OR10K2: variants seen among roughly 807,000 people sequenced by gnomAD.
OR10K2 encodes the protein olfactory receptor family 10 subfamily K member 2.
For missense variants in OR10K2, 401 were observed against 367.1 expected (o/e 1.09, Z -0.76); for synonymous variants, 169 against 146.4 (o/e 1.15, Z -1.11).
At chr1:158,420,950 A>G in intron 1 of OR10K2, 23 bp from the exon 2 acceptor site, 1 of 1,248,812 alleles carries the variant, frequency 8.0e-7, no homozygotes, top group South Asian at 1.5e-5. Context: ...AGATTCACAG[A>G]AAATTGATCA....
chr1:158,423,208 C>G (rs1163837312), intron 1 of OR10K2, among the ~76,000 whole-genome samples: 1 of 147,900 alleles, frequency 6.8e-6, no homozygotes, highest in Non-Finnish European at 1.5e-5. Context: ...TATCTTATTC[C>G]TCTGGTTCTT....
chr1:158,420,032 T>C lies in OR10K2; in HGVS notation c.835A>G (p.Thr279Ala). Residue 279 changes from threonine to alanine, a missense_variant, in exon 2 of 2, where the codon ACT becomes GCT. Thr to Ala is a moderately conservative substitution (Grantham distance 58). Coordinates refer to ENST00000641042, the MANE Select transcript of OR10K2 (RefSeq NM_001004476.2). ...GGGTTGAACAATGGAGTTATAATAGTGTAGGATACTGATATTAGAGCATCC... is the reference window on the plus strand; with the variant it reads ...GGGTTGAACAATGGAGTTATAATAGCGTAGGATACTGATATTAGAGCATCC... The part of the protein sequence containing the change: ...SQDALISVSY[T>A]IITPLFNPMI... 6.2e-7 allele frequency: 1 copy of C among 1,613,596 alleles called. No individual in the cohort carries two copies. The highest frequency in any genetic ancestry group is 2.2e-5 in the East Asian group (1 of 44,846).
Position 158,419,777 on chromosome 1 carries a change from A to C in OR10K2, c.*151T>G, listed in dbSNP as rs1386215728. ...AGGAGCCCACCACAGCATCCGGTTAATTTGTATATTTTTTGGTAGAGATAG... is the reference window on the plus strand; with the variant it reads ...AGGAGCCCACCACAGCATCCGGTTACTTTGTATATTTTTTGGTAGAGATAG... On this transcript the variant is annotated 3_prime_UTR_variant, in exon 2 of 2. Coordinates refer to ENST00000641042, the MANE Select transcript of OR10K2 (RefSeq NM_001004476.2). 3.2e-6 allele frequency: 2 copies of C among 622,312 alleles called. No homozygotes were observed. The highest frequency in any genetic ancestry group is 5.7e-6 in the Non-Finnish European group (2 of 353,032). 38.5% of individuals were successfully genotyped at this position (622,312 alleles called of 1,614,324 possible).
At chr1:158,423,928 T>C (rs371628380) in intron 1 of OR10K2, among the ~76,000 whole-genome samples, 1 of 152,026 alleles carries the variant, frequency 6.6e-6, no homozygotes, top group African/African-American at 2.4e-5. Flanking sequence ...TCTGTTACTA[T>C]CTAAGCACTA....
chr1:158,424,567 G>A (rs926092992), intron 1 of OR10K2, among the ~76,000 whole-genome samples: 2 of 151,988 alleles, frequency 1.3e-5, no homozygotes, highest in African/African-American at 4.8e-5. Context: ...TCTAGATTTG[G>A]TGAAAATACT....
At position 158,426,140 on chromosome 1, in the gene OR10K2, A is replaced by C. The variant is rs948696292; in HGVS notation, c.-269T>G. 1.3e-5 allele frequency: 2 copies of C among 152,136 alleles called. No individual in the cohort carries two copies. The highest frequency in any genetic ancestry group is 2.9e-5 in the Non-Finnish European group (2 of 68,038). The allele number at this position is 152,136 out of a possible 1,614,324, so 9.4% of individuals were successfully genotyped here. On this transcript the variant is annotated 5_prime_UTR_variant, in exon 1 of 2. The change creates a new upstream start codon in the 5' untranslated region. Coordinates refer to ENST00000641042, the MANE Select transcript of OR10K2 (RefSeq NM_001004476.2). ...AGACAGAATTCAAGTTGACGTGTAGAATGGAAAAAGGTCAAAATGGGTCAC... is the reference window on the plus strand; with the variant it reads ...AGACAGAATTCAAGTTGACGTGTAGCATGGAAAAAGGTCAAAATGGGTCAC...
rs1655126328 is a variant in OR10K2, at chr1:158,420,360, A to G, written c.507T>C (p.Tyr169=). 2.5e-6 allele frequency: 4 copies of G among 1,613,910 alleles called. No homozygotes were observed. Among genetic ancestry groups the G allele is most frequent in the East Asian group, 2.2e-5 (1 of 44,838 alleles). ...AGAAGTGATGTAGTTGATTGGAGGA[A>G]TAAAAAGGCAGGTGAAATACCAAGG... The part of the protein sequence containing the change: ...ITSLVFHLPF[Y]SSNQLHHFFC... The change falls in exon 2 of 2, where the codon TAT becomes TAC. Residue 169 remains tyrosine (Y), a synonymous_variant. Transcript: ENST00000641042.
Position 158,419,376 on chromosome 1 carries a change from T to C in OR10K2, c.*552A>G, listed in dbSNP as rs976003001. Reference sequence around the variant, plus strand: ...TACAGCCTAAAATTCTGAACATACATATGCTTCCCCATAATAGCCATCTGT... The same window carrying C: ...TACAGCCTAAAATTCTGAACATACACATGCTTCCCCATAATAGCCATCTGT... On this transcript the variant is annotated 3_prime_UTR_variant, in exon 2 of 2. Coordinates refer to ENST00000641042, the MANE Select transcript of OR10K2 (RefSeq NM_001004476.2). 2 of 155,188 alleles carry C rather than the reference T, an allele frequency of 1.3e-5. No homozygotes were observed. Among genetic ancestry groups the C allele is most frequent in the African/African-American group, 4.8e-5 (2 of 41,398 alleles). 9.6% of individuals were successfully genotyped at this position (155,188 alleles called of 1,614,324 possible).
At chr1:158,421,294 T>C (rs750029099) in intron 1 of OR10K2, among the ~76,000 whole-genome samples, 1 of 152,122 alleles carries the variant, frequency 6.6e-6, no homozygotes, top group Non-Finnish European at 1.5e-5. Context: ...TATACCATAG[T>C]TGTCTATAAC....
rs200034190 is a variant in OR10K2, at chr1:158,420,571, A to G, written c.296T>C (p.Ile99Thr). 213 of 1,613,938 alleles carry G rather than the reference A, an allele frequency of 1.3e-4. 1 individual carries two copies. In the Admixed American group the frequency reaches 3.5e-3, roughly 26 times the overall value. The change falls in exon 2 of 2, where the codon ATC (isoleucine) becomes ACC (threonine). Residue 99 changes from isoleucine (I) to threonine (T), a missense_variant. Ile to Thr is a moderately conservative substitution (Grantham distance 89, BLOSUM62 -1). Coordinates refer to ENST00000641042, the MANE Select transcript of OR10K2 (RefSeq NM_001004476.2). ...AAGGAAGAGGAAGGAAAACATTTGGATGGCACAGCCCAGGAAAGAAATGGT... is the reference window on the plus strand; with the variant it reads ...AAGGAAGAGGAAGGAAAACATTTGGGTGGCACAGCCCAGGAAAGAAATGGT... The part of the protein sequence containing the change: ...KKTISFLGCA[I>T]QMFSFLFLGC...
At chr1:158,421,653 T>C (rs1655158720) in intron 1 of OR10K2, among the ~76,000 whole-genome samples, 1 of 152,162 alleles carries the variant, frequency 6.6e-6, no homozygotes, top group Non-Finnish European at 1.5e-5. Flanking sequence ...AGTCACATTA[T>C]GGCTCCTTTC....
intron 1 of OR10K2, among the ~76,000 whole-genome samples, chr1:158,425,060 A>C (rs1464439078): frequency 1.3e-5 from 2 of 152,116 alleles, no homozygotes; most frequent in African/African-American, 4.8e-5. Context: ...GGCAGAGAGC[A>C]CTGCTAGTTT....
chr1:158,424,422 G>A (rs1655214184), intron 1 of OR10K2, among the ~76,000 whole-genome samples: 2 of 151,902 alleles, frequency 1.3e-5, no homozygotes, highest in African/African-American at 4.8e-5. Context: ...ATTCCATTGT[G>A]TCTATCAATA....
Position 158,420,087 on chromosome 1 carries a change from T to C in OR10K2, c.780A>G (p.Leu260=). 1 of 1,613,640 alleles carries C rather than the reference T, an allele frequency of 6.2e-7. No homozygotes were observed. Among genetic ancestry groups the C allele is most frequent in the African/African-American group, 1.3e-5 (1 of 74,972 alleles). ...VHYGCASFIY[L]RPQSNYSSSQ... ...TTGAGGAGTAGTTGGACTGAGGCCT[T>C]AAGTAGATAAAGGAGGCACAGCCAT... is the stretch of plus-strand genomic sequence containing the variant. The change falls in exon 2 of 2, where the codon TTA becomes TTG. Residue 260 remains leucine (L), a synonymous_variant. Transcript: ENST00000641042.
intron 1 of OR10K2, among the ~76,000 whole-genome samples, chr1:158,424,430 A>G (rs1655214273): frequency 6.6e-6 from 1 of 151,962 alleles, no homozygotes; most frequent in African/African-American, 2.4e-5. Flanking sequence ...GTGTCTATCA[A>G]TATTGCTTTT....
intron 1 of OR10K2, among the ~76,000 whole-genome samples, chr1:158,425,470 G>A (rs1655234662): frequency 6.6e-6 from 1 of 151,964 alleles, no homozygotes; most frequent in South Asian, 2.1e-4. Context: ...AGTTACTTAC[G>A]GTGTTCTTTT....
At chr1:158,425,468 A>G (rs1655234482) in intron 1 of OR10K2, among the ~76,000 whole-genome samples, 1 of 152,072 alleles carries the variant, frequency 6.6e-6, no homozygotes, top group Admixed American at 6.6e-5. Flanking sequence ...GCAGTTACTT[A>G]CGGTGTTCTT....
chr1:158,419,641 G>C lies in OR10K2; in HGVS notation c.*287C>G, dbSNP rs1655103229. ...TTTTTTTTTTTTTTTTTGAGACAGA[G>C]TCTTACTCTGTCGCCCAGGCTGGAG... On this transcript the variant is annotated 3_prime_UTR_variant, in exon 2 of 2. Transcript: ENST00000641042. 1 of 187,934 alleles carries C rather than the reference G, an allele frequency of 5.3e-6. No homozygotes were observed. The highest frequency in any genetic ancestry group is 2.6e-5 in the African/African-American group (1 of 38,424). The allele number at this position is 187,934 out of a possible 1,614,324, so 11.6% of individuals were successfully genotyped here. A position where few individuals can be genotyped will look rare whatever the true frequency, so the allele number is the denominator to read the frequency against.
intron 1 of OR10K2, among the ~76,000 whole-genome samples, chr1:158,423,116 G>A (rs1023727613): frequency 6.6e-6 from 1 of 151,748 alleles, no homozygotes; most frequent in Non-Finnish European, 1.5e-5. Flanking sequence ...AAGAGTGCAA[G>A]GATGTTTTCT....
Sources: allele counts gnomAD v4.1 joint callset (sites outside exome capture counted in the v4.1 genomes callset), GRCh38; gene constraint gnomAD v4.1.1; transcripts MANE v1.5; gene names NCBI Gene and HGNC (gene_info 2026-07-23, HGNC 2026-07-21).